Variants in ELAPOR2 observed in about 807,000 individuals in gnomAD.
ELAPOR2 encodes the protein endosome-lysosome associated apoptosis and autophagy regulator family member 2.
A neutral mutation model predicts 120.7 loss-of-function variants in ELAPOR2; 89 were observed. The observed-to-expected ratio is 0.74, with a 90% CI of 0.62 to 0.88. ELAPOR2 has a LOEUF of 0.88. Among genes scored for constraint, ELAPOR2 ranks in the 40% least tolerant of loss-of-function variants. The pLI, the probability that ELAPOR2 is intolerant of heterozygous loss-of-function variation, is 0.00. For synonymous variants in ELAPOR2, 444 were observed against 444.9 expected, an observed-to-expected ratio of 1.00 and a Z score of 0.03; for missense variants, 1,134 against 1,251.6, an observed-to-expected ratio of 0.91 and a Z score of 1.42.
At chr7:86,981,040 AT>A (rs1309683927) in intron 1 of ELAPOR2, among the ~76,000 whole-genome samples, 2 of 152,070 alleles carry the variant, frequency 1.3e-5, no homozygotes, top group African/African-American at 4.8e-5. Context: ...TCAGCAGGAG[AT>A]TAGAGAGAGT....
At chr7:86,982,427 A>C (rs1272941011) in intron 1 of ELAPOR2, among the ~76,000 whole-genome samples, 4 of 152,192 alleles carry the variant, frequency 2.6e-5, no homozygotes, top group African/African-American at 9.6e-5. Flanking sequence ...CTGACACCTC[A>C]TATAGGTGGG....
At chr7:86,966,275 C>T (rs1791898757) in intron 1 of ELAPOR2, among the ~76,000 whole-genome samples, 1 of 152,118 alleles carries the variant, frequency 6.6e-6, no homozygotes, top group Non-Finnish European at 1.5e-5. Context: ...CACCTTTCCT[C>T]CAATTTCCTG....
At chr7:87,039,912 C>G (rs900730492) in intron 1 of ELAPOR2, among the ~76,000 whole-genome samples, 1 of 152,056 alleles carries the variant, frequency 6.6e-6, no homozygotes, top group East Asian at 1.9e-4. Context: ...AGTGGGTGCG[C>G]GCACCGTGCA....
At chr7:87,036,064 C>T (rs908780240) in intron 1 of ELAPOR2, among the ~76,000 whole-genome samples, 5 of 152,216 alleles carry the variant, frequency 3.3e-5, no homozygotes, top group Non-Finnish European at 5.9e-5. Context: ...TTCAGTTTAG[C>T]ATCACATACA....
At chr7:86,915,334 C>G (rs1291116053) in intron 12 of ELAPOR2, among the ~76,000 whole-genome samples, 1 of 152,016 alleles carries the variant, frequency 6.6e-6, no homozygotes, top group Non-Finnish European at 1.5e-5. Flanking sequence ...CTGAATTATA[C>G]TTGCAAGTTC....
At chr7:87,046,461 G>A (rs1467912763) in intron 1 of ELAPOR2, among the ~76,000 whole-genome samples, 2 of 152,114 alleles carry the variant, frequency 1.3e-5, no homozygotes, top group African/African-American at 4.8e-5. Flanking sequence ...AAATTTATAT[G>A]AAACCACAAA....
chr7:87,032,012 G>A (rs1359302153), intron 1 of ELAPOR2, among the ~76,000 whole-genome samples: 1 of 152,154 alleles, frequency 6.6e-6, no homozygotes, highest in African/African-American at 2.4e-5. Context: ...CAGCAGATCA[G>A]TGGCTGCCTA....
intron 10 of ELAPOR2, among the ~76,000 whole-genome samples, chr7:86,924,752 TTTTG>T (rs1789989109): frequency 6.7e-6 from 1 of 149,926 alleles, no homozygotes; most frequent in South Asian, 2.1e-4. Context: ...AAGCTTTTTT[TTTTG>T]AATAGATATT....
intron 21 of ELAPOR2, among the ~76,000 whole-genome samples, chr7:86,881,541 A>G (rs535833439): frequency 6.6e-6 from 1 of 152,204 alleles, no homozygotes; most frequent in South Asian, 2.1e-4. Flanking sequence ...TATTTTTAAT[A>G]GAGACGGGGT....
chr7:87,020,339 C>CA (rs1296047020), intron 1 of ELAPOR2, among the ~76,000 whole-genome samples: 1 of 152,070 alleles, frequency 6.6e-6, no homozygotes, highest in Non-Finnish European at 1.5e-5. Flanking sequence ...TTCATAGCAG[C>CA]ACTCTTCACA....
chr7:86,913,947 G>T (rs1789440125), intron 13 of ELAPOR2, among the ~76,000 whole-genome samples: 1 of 152,162 alleles, frequency 6.6e-6, no homozygotes, highest in Non-Finnish European at 1.5e-5. Context: ...AGATTCCACA[G>T]CATGTTCACG....
chr7:86,957,933 C>G (rs969115327), intron 2 of ELAPOR2, among the ~76,000 whole-genome samples: 1 of 152,058 alleles, frequency 6.6e-6, no homozygotes, highest in Non-Finnish European at 1.5e-5. Context: ...GAACATTAAT[C>G]AATTAAAAAT....
At chr7:86,971,786 T>G (rs1433816107) in intron 1 of ELAPOR2, among the ~76,000 whole-genome samples, 2 of 151,928 alleles carry the variant, frequency 1.3e-5, no homozygotes, top group Non-Finnish European at 2.9e-5. Context: ...AAGCTAAGGG[T>G]AACAGAGATG....
At chr7:86,992,518 C>T (rs1230627096) in intron 1 of ELAPOR2, among the ~76,000 whole-genome samples, 1 of 152,126 alleles carries the variant, frequency 6.6e-6, no homozygotes, top group Non-Finnish European at 1.5e-5. Flanking sequence ...ATTCCTAAAA[C>T]TGAGTTTTCC....
chr7:87,011,599 T>C (rs891979099), intron 1 of ELAPOR2, among the ~76,000 whole-genome samples: 2 of 152,224 alleles, frequency 1.3e-5, no homozygotes, highest in African/African-American at 4.8e-5. Flanking sequence ...CATTGTTGTA[T>C]AAAAAATACA....
rs777648323 is a variant in ELAPOR2 at position 86,892,968 on chromosome 7, C to T, written c.2818G>A (p.Val940Ile). The T allele has an allele frequency of 1.5e-5, 24 of 1,572,966 alleles. No homozygotes were observed. The Admixed American group carries it at 1.6e-4, about 11-fold the overall frequency. Residue 940 changes from valine to isoleucine, a missense_variant, in exon 20 of 22, where the codon GTT (valine) becomes ATT (isoleucine). This residue lies in a region of ELAPOR2 where 831 missense variants were observed against 867.6 expected (regional missense o/e 0.96). Transcript: ENST00000450689. ...VGAGVGAFTA[V>I]LLVALTCYFW... ...TAGCAGGTCAGAGCCACCAGCAAAACGGCAGTAAAAGCTCCCACACCGGCT... is the reference window on the plus strand; with the variant it reads ...TAGCAGGTCAGAGCCACCAGCAAAATGGCAGTAAAAGCTCCCACACCGGCT...
At chr7:86,965,809 C>T (rs180914081) in intron 1 of ELAPOR2, 692 of 985,190 alleles carry the variant, frequency 7.0e-4, no homozygotes, top group Non-Finnish European at 8.1e-4. Context: ...AGTTCAATAC[C>T]TTACTTATTC....
At chr7:86,882,727 C>T (rs1021241412) in intron 21 of ELAPOR2, among the ~76,000 whole-genome samples, 1 of 152,158 alleles carries the variant, frequency 6.6e-6, no homozygotes, top group Non-Finnish European at 1.5e-5. Flanking sequence ...TGAAATACCA[C>T]ATTGGAGAAG....
intron 1 of ELAPOR2, among the ~76,000 whole-genome samples, chr7:86,994,376 T>C (rs1248245746): frequency 1.3e-5 from 2 of 152,218 alleles, no homozygotes; most frequent in Non-Finnish European, 2.9e-5. Context: ...TCGGAATTTC[T>C]AGATAAACAT....
Sources: gnomAD v4.1 joint callset for allele counts (sites outside exome capture counted in the v4.1 genomes callset) on GRCh38, gnomAD v4.1.1 for gene constraint, gnomAD v4.1.1 regional missense constraint, MANE v1.5 for transcripts, NCBI Gene and HGNC (gene_info 2026-07-23, HGNC 2026-07-21) for gene names.